CDK14: variants seen among roughly 807,000 people sequenced by gnomAD.
CDK14 encodes the protein cyclin dependent kinase 14, also known as cyclin-dependent kinase 14.
A neutral mutation model predicts 60.7 loss-of-function variants in CDK14; 34 were observed. The ratio of observed to expected loss-of-function variants is 0.56; its 90% confidence interval spans 0.43 to 0.75. CDK14 has a LOEUF of 0.75. Ranked by LOEUF, CDK14 falls within the 30% of genes least tolerant of loss-of-function variation. The pLI, the probability that CDK14 is intolerant of heterozygous loss-of-function variation, is 0.00. For missense variants in CDK14, 482 were observed against 564.1 expected, an observed-to-expected ratio of 0.85 and a Z score of 1.47; for synonymous variants, 197 against 203.7, an observed-to-expected ratio of 0.97 and a Z score of 0.28.
intron 10 of CDK14, among the ~76,000 whole-genome samples, chr7:91,009,228 T>C (rs969868492): frequency 1.3e-5 from 2 of 152,198 alleles, no homozygotes; most frequent in Admixed American, 1.3e-4. Context: ...CCAAGTGATA[T>C]GCCATTGTAT....
chr7:90,748,616 C>T lies in CDK14; in HGVS notation c.464+841C>T, dbSNP rs747063311. 3.3e-5 allele frequency among the ~76,000 whole-genome samples: 5 copies of T among 152,154 alleles called. No individual in the cohort carries two copies. In the South Asian group the frequency reaches 8.3e-4, roughly 25 times the overall value. ...TTTTTTGTCTGAGACAGCATTTCGC[C>T]CTGTTGCCCAGGCTGGAGTACAGTG... On this transcript the variant is annotated intron_variant, in intron 4 of 14. Coordinates refer to ENST00000380050, the MANE Select transcript of CDK14 (RefSeq NM_001287135.2).
chr7:91,031,752 CTG>C (rs1313914119), intron 10 of CDK14, among the ~76,000 whole-genome samples: 1 of 152,180 alleles, frequency 6.6e-6, no homozygotes, highest in Non-Finnish European at 1.5e-5. Context: ...AGGATAAACA[CTG>C]TTACATTTTC....
intron 8 of CDK14, among the ~76,000 whole-genome samples, chr7:90,926,221 GGTCTGATGACCTGT>G (rs1465746251): frequency 6.6e-6 from 1 of 152,104 alleles, no homozygotes; most frequent in African/African-American, 2.4e-5. Context: ...AAGCCATGCT[GGTCTGATGACCTGT>G]GTCACCTGAT....
intron 5 of CDK14, among the ~76,000 whole-genome samples, chr7:90,831,382 A>G (rs1443785586): frequency 6.6e-6 from 1 of 152,162 alleles, no homozygotes; most frequent in African/African-American, 2.4e-5. Flanking sequence ...AGAACTCACC[A>G]TTATGAGAGC....
chr7:91,168,210 C>T (rs966957949), intron 14 of CDK14, among the ~76,000 whole-genome samples: 58 of 148,106 alleles, frequency 3.9e-4, no homozygotes, highest in African/African-American at 1.4e-3. Flanking sequence ...CGCAGTGAGC[C>T]GAGACCATGC....
chr7:90,685,494 T>C (rs2116571756), intron 2 of CDK14, among the ~76,000 whole-genome samples: 1 of 152,180 alleles, frequency 6.6e-6, no homozygotes, highest in South Asian at 2.1e-4. Flanking sequence ...TATATTTCTT[T>C]AGAGATAGAG....
chr7:90,663,989 A>G (rs535198075), intron 2 of CDK14, among the ~76,000 whole-genome samples: 2 of 152,276 alleles, frequency 1.3e-5, no homozygotes, highest in South Asian at 2.1e-4. Flanking sequence ...AGAAACTACC[A>G]TCAGAGTGAA....
intron 10 of CDK14, among the ~76,000 whole-genome samples, chr7:90,998,780 T>G (rs866878610): frequency 8.6e-5 from 13 of 152,008 alleles, no homozygotes; most frequent in African/African-American, 2.7e-4. Context: ...TCCCAGCTAC[T>G]CGGGAGGCTG....
At chr7:90,852,919 A>G (rs906545201) in intron 5 of CDK14, among the ~76,000 whole-genome samples, 2 of 152,156 alleles carry the variant, frequency 1.3e-5, no homozygotes, top group African/African-American at 2.4e-5. Flanking sequence ...GGGCCTTCCA[A>G]TGAACTGTGC....
chr7:90,771,864 G>C (rs1804795847), intron 4 of CDK14, among the ~76,000 whole-genome samples: 1 of 152,172 alleles, frequency 6.6e-6, no homozygotes, highest in African/African-American at 2.4e-5. Flanking sequence ...AGTTTCACTG[G>C]GAACCCGTTC....
chr7:91,057,573 A>G (rs971390580), intron 11 of CDK14, among the ~76,000 whole-genome samples: 1 of 152,134 alleles, frequency 6.6e-6, no homozygotes, highest in African/African-American at 2.4e-5. Context: ...ATCTTGAATT[A>G]ATTTTTGTAT....
At chr7:90,971,121 G>A (rs1180730543) in intron 9 of CDK14, among the ~76,000 whole-genome samples, 2 of 146,624 alleles carry the variant, frequency 1.4e-5, no homozygotes, top group Non-Finnish European at 3.0e-5. Context: ...TGTTCTCATT[G>A]TTCAGTTCCC....
chr7:91,196,332 T>A (rs73402744), intron 14 of CDK14, among the ~76,000 whole-genome samples: 6,717 of 152,264 alleles, frequency 0.044, 488 homozygotes, highest in African/African-American at 0.15. Context: ...CACATTCACA[T>A]CTCTTGAGGC....
At chr7:90,618,247 G>A (rs1584744731) in intron 2 of CDK14, among the ~76,000 whole-genome samples, 1 of 152,146 alleles carries the variant, frequency 6.6e-6, no homozygotes, top group African/African-American at 2.4e-5. Flanking sequence ...GGTGGGTATA[G>A]GGAGAAACAT....
chr7:90,769,731 T>C (rs2116888074), intron 4 of CDK14, among the ~76,000 whole-genome samples: 1 of 152,312 alleles, frequency 6.6e-6, no homozygotes, highest in East Asian at 1.9e-4. Flanking sequence ...CCTCCCAAAG[T>C]GCTGGGATTA....
intron 10 of CDK14, among the ~76,000 whole-genome samples, chr7:91,008,127 C>CAAAAAAAAAAAAAAAAAAAAAA (rs56082719): frequency 1.6e-5 from 1 of 62,596 alleles, no homozygotes; most frequent in African/African-American, 6.0e-5. Context: ...GGGAGAAGGC[C>CAAAAAAAAAAAAAAAAAAAAAA]AAAAAAAAAA....
intron 2 of CDK14, among the ~76,000 whole-genome samples, chr7:90,705,942 T>TAA (rs1427962183): frequency 2.0e-5 from 3 of 152,040 alleles, no homozygotes; most frequent in African/African-American, 7.2e-5. Context: ...TAATCTCTTT[T>TAA]AAAAGTCAGG....
intron 14 of CDK14, among the ~76,000 whole-genome samples, chr7:91,190,336 G>C (rs1228643135): frequency 1.3e-5 from 2 of 152,154 alleles, no homozygotes; most frequent in Non-Finnish European, 2.9e-5. Flanking sequence ...AGGTCAAATG[G>C]CTCAGGGAAG....
chr7:91,055,302 C>T (rs575859428), intron 11 of CDK14, among the ~76,000 whole-genome samples: 1 of 152,260 alleles, frequency 6.6e-6, no homozygotes, highest in South Asian at 2.1e-4. Context: ...TTCATTTCCC[C>T]TACAATAGGT....
Sources: gnomAD v4.1 joint callset for allele counts (sites outside exome capture counted in the v4.1 genomes callset) on GRCh38, gnomAD v4.1.1 for gene constraint, MANE v1.5 for transcripts, NCBI Gene and HGNC (gene_info 2026-07-23, HGNC 2026-07-21) for gene names.